Variants in MRTFB observed in about 807,000 individuals in gnomAD.
MRTFB encodes myocardin-related transcription factor B.
MRTFB carries 29 observed loss-of-function variants against 104.2 expected under a neutral mutation model. The ratio of observed to expected loss-of-function variants is 0.28; its 90% confidence interval spans 0.21 to 0.38. The LOEUF is 0.38. Among genes scored for constraint, MRTFB ranks in the 10% least tolerant of loss-of-function variants. The pLI is 1.00. For synonymous variants in MRTFB, 535 were observed against 519.5 expected, an observed-to-expected ratio of 1.03 and a Z score of -0.41; for missense variants, 1,270 against 1,341.6, an observed-to-expected ratio of 0.95 and a Z score of 0.83.
intron 3 of MRTFB, among the ~76,000 whole-genome samples, chr16:14,193,206 G>C (rs2040266772): frequency 1.5e-5 from 1 of 66,838 alleles, no homozygotes; most frequent in South Asian, 7.4e-4. Context: ...GTGAGACCCT[G>C]TCTCAAAAAA....
At chr16:14,199,021 T>C (rs887289704) in intron 3 of MRTFB, among the ~76,000 whole-genome samples, 3 of 152,212 alleles carry the variant, frequency 2.0e-5, no homozygotes, top group African/African-American at 7.2e-5. Flanking sequence ...CCCTCAAGTT[T>C]TCACTTTCTC....
chr16:14,106,449 G>A (rs1265947741), intron 2 of MRTFB, among the ~76,000 whole-genome samples: 3 of 152,098 alleles, frequency 2.0e-5, no homozygotes, highest in Admixed American at 6.5e-5. Flanking sequence ...AATATTTGGG[G>A]GATCTTAAAT....
chr16:13,996,057 AG>A, the MRTFB span, among the ~76,000 whole-genome samples: 1 of 152,172 alleles, frequency 6.6e-6, no homozygotes, highest in African/African-American at 2.4e-5. Flanking sequence ...AGATCACCTG[AG>A]GTCCAGAGTC....
At chr16:14,211,553 G>A (rs1308272930) in intron 4 of MRTFB, among the ~76,000 whole-genome samples, 2 of 152,128 alleles carry the variant, frequency 1.3e-5, no homozygotes, top group Non-Finnish European at 2.9e-5. Flanking sequence ...AGTGCAGGGT[G>A]TTACCAGGCA....
chr16:14,118,744 T>C (rs2036679915), intron 2 of MRTFB, among the ~76,000 whole-genome samples: 1 of 151,636 alleles, frequency 6.6e-6, no homozygotes, highest in East Asian at 1.9e-4. Flanking sequence ...TACACACATA[T>C]ATATACACAC....
intron 3 of MRTFB, chr16:14,148,589 A>T (rs1447659361): frequency 6.6e-6 from 1 of 152,632 alleles, no homozygotes; most frequent in African/African-American, 2.4e-5. Flanking sequence ...AGCAAATATC[A>T]TGTTTTTCTG....
At chr16:14,225,062 T>C (rs988324057) in intron 8 of MRTFB, among the ~76,000 whole-genome samples, 2 of 152,140 alleles carry the variant, frequency 1.3e-5, no homozygotes, top group African/African-American at 4.8e-5. Flanking sequence ...GGCGCGTGCC[T>C]GTAATCCCAG....
At chr16:14,185,356 G>C (rs933299228) in intron 3 of MRTFB, among the ~76,000 whole-genome samples, 5 of 152,154 alleles carry the variant, frequency 3.3e-5, no homozygotes, top group African/African-American at 1.2e-4. Flanking sequence ...GTGTTTAAGT[G>C]GTGGAAAGAA....
In MRTFB at chr16:14,206,645, G is replaced by A. The variant is rs181334243; in HGVS notation, c.155-3598G>A. On this transcript the variant is annotated intron_variant, in intron 3 of 16. Coordinates refer to ENST00000571589, the MANE Select transcript of MRTFB (RefSeq NM_001308142.2). ...CGATCTCGGCTCACTGGGTTCAAAC[G>A]ATTCTTCTGCCTCAGCCTGCTGAGT... 3.9e-5 allele frequency among the ~76,000 whole-genome samples: 6 copies of A among 152,198 alleles called. No homozygotes were observed. In the East Asian group the frequency reaches 9.7e-4, roughly 24 times the overall value.
chr16:13,997,854 G>T, the MRTFB span, among the ~76,000 whole-genome samples: 27 of 150,202 alleles, frequency 1.8e-4, no homozygotes, highest in Middle Eastern at 3.5e-3. Context: ...GAGTACCTAC[G>T]TTGTGCTAGA....
chr16:14,111,390 A>C (rs956305741), intron 2 of MRTFB, among the ~76,000 whole-genome samples: 1 of 152,212 alleles, frequency 6.6e-6, no homozygotes, highest in African/African-American at 2.4e-5. Flanking sequence ...TCATCTGCTC[A>C]GTGATGAGGG....
intron 2 of MRTFB, among the ~76,000 whole-genome samples, chr16:14,132,679 G>T (rs892691666): frequency 6.6e-6 from 1 of 152,186 alleles, no homozygotes; most frequent in Non-Finnish European, 1.5e-5. Flanking sequence ...AAAGACCCAG[G>T]TTGCTGATTT....
the MRTFB span, among the ~76,000 whole-genome samples, chr16:14,025,176 G>A: frequency 6.6e-6 from 1 of 152,158 alleles, no homozygotes. Flanking sequence ...TAAGAAGGAT[G>A]AAATAAATGT....
At chr16:14,167,804 G>A (rs2039294482) in intron 3 of MRTFB, among the ~76,000 whole-genome samples, 1 of 152,142 alleles carries the variant, frequency 6.6e-6, no homozygotes, top group African/African-American at 2.4e-5. Context: ...CCACTCTCCT[G>A]CCTCAGCCTC....
At chr16:14,007,867 T>A in the MRTFB span, among the ~76,000 whole-genome samples, 1 of 152,232 alleles carries the variant, frequency 6.6e-6, no homozygotes, top group East Asian at 1.9e-4. Flanking sequence ...GGCCATTTAT[T>A]TATCTTCTTT....
At chr16:14,114,160 T>C (rs983093773) in intron 2 of MRTFB, among the ~76,000 whole-genome samples, 2 of 152,220 alleles carry the variant, frequency 1.3e-5, no homozygotes, top group African/African-American at 4.8e-5. Flanking sequence ...GCCAATGTCT[T>C]CCCAATTGAC....
At chr16:14,055,187 A>G in the MRTFB span, among the ~76,000 whole-genome samples, 93 of 152,290 alleles carry the variant, frequency 6.1e-4, no homozygotes, top group African/African-American at 2.1e-3. Flanking sequence ...CCCCGTCTCT[A>G]CTAAAAATAC....
At position 14,234,161 on chromosome 16, in the gene MRTFB, C is replaced by T. The variant is rs1229632853; in HGVS notation, c.709C>T (p.Pro237Ser). 3 of 1,614,042 alleles carry T rather than the reference C, an allele frequency of 1.9e-6. No individual in the cohort carries two copies. The highest frequency in any genetic ancestry group is 1.3e-5 in the African/African-American group (1 of 75,012). ...NTPAQFASVSPTVPEFLKTPP... is the reference protein window; with the variant it reads ...NTPAQFASVSSTVPEFLKTPP... ...TTTCCACCAGTTTGCTTCAGTGTCC[C>T]CAACAGTTCCTGAATTCTTGAAAAC... is the stretch of plus-strand genomic sequence containing the variant. The change falls in exon 9 of 17, where the codon CCA becomes TCA. Residue 237 changes from proline (P) to serine (S), a missense_variant. Around this residue, in one of 3 missense-constraint regions of MRTFB, gnomAD observed 1,144 missense variants for 1,131.5 expected, o/e 1.01. Transcript: ENST00000571589.
the MRTFB span, among the ~76,000 whole-genome samples, chr16:14,065,504 G>T: frequency 6.6e-6 from 1 of 152,124 alleles, no homozygotes; most frequent in Admixed American, 6.5e-5. Flanking sequence ...TGCTGAATAG[G>T]AGTGGTGAGA....
Sources: gnomAD v4.1 joint callset for allele counts (sites outside exome capture counted in the v4.1 genomes callset) on GRCh38, gnomAD v4.1.1 for gene constraint, gnomAD v4.1.1 regional missense constraint, MANE v1.5 for transcripts, NCBI Gene and HGNC (gene_info 2026-07-23, HGNC 2026-07-21) for gene names.